GNRHR: variants seen among roughly 807,000 people sequenced by gnomAD.
GNRHR encodes the protein gonadotropin releasing hormone receptor.
A neutral mutation model predicts 28.1 loss-of-function variants in GNRHR; 14 were observed. That is an observed-to-expected ratio of 0.50 (90% confidence interval 0.33 to 0.78). The LOEUF is 0.78. GNRHR is among the 30% of genes least tolerant of loss of function. The probability of loss-of-function intolerance (pLI) is 0.02; values close to 1 mark genes in which losing one functional copy is unlikely to be tolerated. For missense variants in GNRHR, 366 were observed against 382.1 expected, an observed-to-expected ratio of 0.96 and a Z score of 0.35; for synonymous variants, 141 against 140.5, an observed-to-expected ratio of 1.00 and a Z score of -0.02.
chr4:67,740,428 A>C lies in GNRHR; in HGVS notation c.*52T>G. 3.0e-6 allele frequency: 4 copies of C among 1,336,294 alleles called. No homozygotes were observed. The highest frequency in any genetic ancestry group is 4.3e-6 in the Non-Finnish European group (4 of 928,424). 82.8% of individuals were successfully genotyped at this position (1,336,294 alleles called of 1,614,324 possible). On this transcript the variant is annotated 3_prime_UTR_variant, in exon 3 of 3. Coordinates refer to ENST00000226413, the MANE Select transcript of GNRHR (RefSeq NM_000406.3). ...ATTTGTGTTAATCATTCCCAGATGGAGAGATTCATTACCTTACCCTTCTTC... is the reference window on the plus strand; with the variant it reads ...ATTTGTGTTAATCATTCCCAGATGGCGAGATTCATTACCTTACCCTTCTTC...
chr4:67,751,689 A>C (rs1731868300), intron 1 of GNRHR: 1 of 152,234 alleles, frequency 6.6e-6, no homozygotes, highest in South Asian at 2.1e-4. Flanking sequence ...AGCTTCTAGG[A>C]GACTTCTTCT....
chr4:67,752,175 GC>G (rs1731881008), intron 1 of GNRHR, among the ~76,000 whole-genome samples: 1 of 151,134 alleles, frequency 6.6e-6, no homozygotes, highest in African/African-American at 2.4e-5. Context: ...CTCCATTTGG[GC>G]CATTTGGGCC....
intron 2 of GNRHR, among the ~76,000 whole-genome samples, chr4:67,742,902 G>A (rs1302041424): frequency 6.6e-6 from 1 of 151,876 alleles, no homozygotes; most frequent in Admixed American, 6.6e-5. Flanking sequence ...ATTTTTAGCA[G>A]ACAAAACCAA....
intron 2 of GNRHR, among the ~76,000 whole-genome samples, chr4:67,741,233 G>A (rs879245137): frequency 6.6e-6 from 1 of 151,830 alleles, no homozygotes; most frequent in Non-Finnish European, 1.5e-5. Context: ...CCAAAGTCCA[G>A]TGTATCATTG....
intron 2 of GNRHR, among the ~76,000 whole-genome samples, chr4:67,743,640 A>G (rs1275669632): frequency 6.6e-6 from 1 of 152,104 alleles, no homozygotes; most frequent in Non-Finnish European, 1.5e-5. Flanking sequence ...CTGCTTATGT[A>G]CTGCTCATAT....
chr4:67,749,755 CTCCAA>C (rs1731834070), intron 1 of GNRHR, among the ~76,000 whole-genome samples: 1 of 151,296 alleles, frequency 6.6e-6, no homozygotes, highest in African/African-American at 2.4e-5. Context: ...TATACGATAC[CTCCAA>C]GACTTGAATT....
chr4:67,754,230 T>G lies in GNRHR; in HGVS notation c.106A>C (p.Lys36Gln). The G allele has an allele frequency of 6.2e-7, 1 of 1,614,132 alleles. No homozygotes were observed. ...AAGAAAGTAACCGTCACTCGGATCT[T>G]TCCAGACAAGGTCAGAGTGGGGAGG... ...GNLPTLTLSG[K>Q]IRVTVTFFLF... Residue 36 changes from lysine (K) to glutamine (Q), a missense_variant, in exon 1 of 3, where the codon AAG becomes CAG. Coordinates refer to ENST00000226413, the MANE Select transcript of GNRHR (RefSeq NM_000406.3).
chr4:67,753,184 A>G (rs563966711), intron 1 of GNRHR, among the ~76,000 whole-genome samples: 1 of 152,294 alleles, frequency 6.6e-6, no homozygotes, highest in South Asian at 2.1e-4. Context: ...GCAAAACTCA[A>G]GCTAACTTTA....
At position 67,740,720 on chromosome 4, in the gene GNRHR, T is replaced by C. The variant is rs777676177; in HGVS notation, c.747A>G (p.Leu249=). Residue 249 remains leucine (L), a synonymous_variant, in exon 3 of 3, where the codon CTA becomes CTG. Coordinates refer to ENST00000226413, the MANE Select transcript of GNRHR (RefSeq NM_000406.3). The stretch of plus-strand genomic sequence containing the variant: ...TATTGTTCTTGGACTGATTCAGTTG[T>C]AGTTCTGTTGGATAGAGAAAAGAGC... The part of the protein sequence containing the change: ...TRVLHQDPHE[L]QLNQSKNNIP... 2 of 1,610,118 alleles carry C rather than the reference T, an allele frequency of 1.2e-6. No homozygotes were observed. Among genetic ancestry groups the C allele is most frequent in the Non-Finnish European group, 1.7e-6 (2 of 1,176,352 alleles).
At chr4:67,752,757 G>A (rs1731893463) in intron 1 of GNRHR, among the ~76,000 whole-genome samples, 1 of 151,680 alleles carries the variant, frequency 6.6e-6, no homozygotes, top group South Asian at 2.1e-4. Flanking sequence ...CAGTTATCCA[G>A]CTTTCTAGTG....
chr4:67,743,375 A>G (rs1416184335), intron 2 of GNRHR, among the ~76,000 whole-genome samples: 1 of 152,136 alleles, frequency 6.6e-6, no homozygotes, highest in Non-Finnish European at 1.5e-5. Context: ...CAACCACAAC[A>G]TGTCATGCTT....
chr4:67,748,138 GT>G (rs1348596047), intron 1 of GNRHR, among the ~76,000 whole-genome samples: 4 of 152,028 alleles, frequency 2.6e-5, no homozygotes, highest in Admixed American at 6.6e-5. Context: ...TTCTGTTTTT[GT>G]TTTTCACAGT....
intron 1 of GNRHR, among the ~76,000 whole-genome samples, chr4:67,749,388 A>C (rs1001789463): frequency 6.6e-6 from 1 of 152,180 alleles, no homozygotes; most frequent in Non-Finnish European, 1.5e-5. Context: ...ACTAGTGATA[A>C]GCTTAACACA....
chr4:67,741,861 G>A (rs958235240), intron 2 of GNRHR, among the ~76,000 whole-genome samples: 3 of 152,084 alleles, frequency 2.0e-5, no homozygotes, highest in African/African-American at 7.2e-5. Flanking sequence ...TTTGAGAATT[G>A]TCTATTCATG....
chr4:67,742,346 A>G (rs568983977), intron 2 of GNRHR, among the ~76,000 whole-genome samples: 1 of 152,316 alleles, frequency 6.6e-6, no homozygotes, highest in South Asian at 2.1e-4. Flanking sequence ...TGCTTTGTGA[A>G]TTCTGACTTC....
At chr4:67,747,985 A>G (rs571361823) in intron 1 of GNRHR, among the ~76,000 whole-genome samples, 5 of 152,262 alleles carry the variant, frequency 3.3e-5, no homozygotes, top group Non-Finnish European at 7.4e-5. Context: ...GTTCATTTGA[A>G]TGATTTATGT....
intron 2 of GNRHR, among the ~76,000 whole-genome samples, 165 bp downstream of exon 2, chr4:67,744,403 A>G (rs1490833161): frequency 6.6e-6 from 1 of 152,250 alleles, no homozygotes; most frequent in Non-Finnish European, 1.5e-5. Context: ...ATTATGATAA[A>G]ACCATAATAA....
chr4:67,741,589 C>T (rs1419376261), intron 2 of GNRHR, among the ~76,000 whole-genome samples: 3 of 151,242 alleles, frequency 2.0e-5, no homozygotes, highest in Non-Finnish European at 3.0e-5. Flanking sequence ...CTGGATCAAA[C>T]GATGGTTCTA....
rs988008055 is a variant in GNRHR, at chr4:67,740,390, A to G, written c.*90T>C. On this transcript the variant is annotated 3_prime_UTR_variant, in exon 3 of 3. Coordinates refer to ENST00000226413, the MANE Select transcript of GNRHR (RefSeq NM_000406.3). ...GTAAATCCTACTTTGTTTGTATGTAAACATGCTCCAACATTTGTGTTAATC... is the reference window on the plus strand; with the variant it reads ...GTAAATCCTACTTTGTTTGTATGTAGACATGCTCCAACATTTGTGTTAATC... 12 of 987,688 alleles carry G rather than the reference A, an allele frequency of 1.2e-5. No individual in the cohort carries two copies. The African/African-American group carries it at 1.6e-4, about 13-fold the overall frequency. 61.2% of individuals were successfully genotyped at this position (987,688 alleles called of 1,614,324 possible).
Sources: gnomAD v4.1 joint callset for allele counts (sites outside exome capture counted in the v4.1 genomes callset) on GRCh38, gnomAD v4.1.1 for gene constraint, MANE v1.5 for transcripts, NCBI Gene and HGNC (gene_info 2026-07-23, HGNC 2026-07-21) for gene names.